MEIS1: variants seen among roughly 807,000 people sequenced by gnomAD.
MEIS1 encodes the protein Meis homeobox 1.
Under a neutral mutation model 50.8 loss-of-function variants are expected in MEIS1, and 5 were observed. The ratio of observed to expected loss-of-function variants is 0.10; its 90% CI spans 0.05 to 0.21. The LOEUF is 0.21. Ranked by LOEUF, MEIS1 falls within the 10% of genes least tolerant of loss-of-function variation. The pLI is 1.00. For missense variants in MEIS1, 318 were observed against 517.3 expected (o/e 0.61, Z 3.74); for synonymous variants, 176 against 179.3 (o/e 0.98, Z 0.15).
At chr2:66,450,729 A>T (rs1246790278) in intron 6 of MEIS1, among the ~76,000 whole-genome samples, 1 of 152,156 alleles carries the variant, frequency 6.6e-6, no homozygotes, top group South Asian at 2.1e-4. Flanking sequence ...ATATATGACA[A>T]CATTCTAGTA....
intron 7 of MEIS1, among the ~76,000 whole-genome samples, chr2:66,490,457 A>G (rs1324008484): frequency 6.7e-6 from 1 of 148,726 alleles, no homozygotes; most frequent in East Asian, 1.9e-4. Context: ...AAATTATGTT[A>G]TGGACTTGCA....
chr2:66,500,164 A>G (rs991689648), intron 7 of MEIS1, among the ~76,000 whole-genome samples: 2 of 152,200 alleles, frequency 1.3e-5, no homozygotes, highest in Non-Finnish European at 2.9e-5. Context: ...ATTTCTCTGT[A>G]GAAAGTATAC....
At chr2:66,458,040 A>T (rs11126080) in intron 6 of MEIS1, among the ~76,000 whole-genome samples, 2,114 of 152,260 alleles carry the variant, frequency 0.014, 57 homozygotes, top group African/African-American at 0.049. Flanking sequence ...TTGTACACTG[A>T]TTATTTCATC....
At chr2:66,449,821 A>T (rs1165084517) in intron 6 of MEIS1, among the ~76,000 whole-genome samples, 1 of 152,210 alleles carries the variant, frequency 6.6e-6, no homozygotes, top group Non-Finnish European at 1.5e-5. Flanking sequence ...AAAGGAAAAT[A>T]CAAGAGTGCA....
chr2:66,453,558 G>C (rs1672321624), intron 6 of MEIS1, among the ~76,000 whole-genome samples: 1 of 151,922 alleles, frequency 6.6e-6, no homozygotes, highest in Non-Finnish European at 1.5e-5. Context: ...TGAAGGAAGG[G>C]AATAATCTTT....
chr2:66,551,753 G>A (rs965778196), intron 9 of MEIS1, among the ~76,000 whole-genome samples: 2 of 151,478 alleles, frequency 1.3e-5, no homozygotes, highest in Non-Finnish European at 2.9e-5. Flanking sequence ...AATCATTTTC[G>A]AAACATAATA....
chr2:66,488,691 A>T lies in MEIS1; in HGVS notation c.743-23458A>T, dbSNP rs75153538. 6.6e-5 allele frequency among the ~76,000 whole-genome samples: 10 copies of T among 152,306 alleles called. No homozygotes were observed. The East Asian group carries it at 1.7e-3, about 26-fold the overall frequency. ...AGACTCCATCTCAAAAAAAGAAAAA[A>T]ATCTATTGGTAAAAAGCAGCTGACA... On this transcript the variant is annotated intron_variant, in intron 7 of 12. Coordinates refer to ENST00000272369, the MANE Select transcript of MEIS1 (RefSeq NM_002398.3).
chr2:66,442,150 C>T (rs1672001400), intron 5 of MEIS1, among the ~76,000 whole-genome samples: 1 of 151,690 alleles, frequency 6.6e-6, no homozygotes. Flanking sequence ...TTCAAACTAA[C>T]ATTAAATTGC....
chr2:66,440,056 C>G, intron 3 of MEIS1, 72 bp downstream of exon 3: 1 of 1,333,018 alleles, frequency 7.5e-7, no homozygotes, highest in Non-Finnish European at 1.0e-6. Flanking sequence ...CACACGCGCG[C>G]GCGCGCGCGC....
intron 7 of MEIS1, among the ~76,000 whole-genome samples, chr2:66,500,302 A>G (rs1051166535): frequency 6.6e-6 from 1 of 152,178 alleles, no homozygotes; most frequent in Admixed American, 6.5e-5. Flanking sequence ...AACTGATTTA[A>G]TTGGTCTTGA....
In MEIS1 at chr2:66,520,321, A is replaced by T. The variant is rs545346081; in HGVS notation, c.888+8027A>T. The stretch of plus-strand genomic sequence containing the variant: ...AACCCCGTCTCTACTAAAAATAAAA[A>T]AAAAAAAAAATTAGCCGGGCTTGGT... On this transcript the variant is annotated intron_variant, in intron 8 of 12. Transcript: ENST00000272369. Among the ~76,000 whole-genome samples, 572 of 151,828 alleles carry T rather than the reference A, an allele frequency of 3.8e-3. 4 individuals carry two copies. The highest frequency in any genetic ancestry group is 0.013 in the African/African-American group (553 of 41,416).
chr2:66,451,142 A>G (rs1332570914), intron 6 of MEIS1, among the ~76,000 whole-genome samples: 1 of 152,094 alleles, frequency 6.6e-6, no homozygotes. Context: ...TGAAAAACTG[A>G]AAACTGTGAT....
chr2:66,568,847 T>G lies in MEIS1; in HGVS notation c.1114+91T>G, dbSNP rs77873518. ...CAGGTAAATCCGCCTCATCCTTTTC[T>G]GTTATCTCAAGCTGGCTGCCTTGCC... On this transcript the variant is annotated intron_variant, in intron 11 of 12. Transcript: ENST00000272369. The G allele has an allele frequency of 1.0e-5, 13 of 1,268,822 alleles. No individual in the cohort carries two copies. The Admixed American group carries it at 2.0e-4, about 20-fold the overall frequency. The allele number at this position is 1,268,822 out of a possible 1,614,324, so 78.6% of individuals were successfully genotyped here. A position where few individuals can be genotyped will look rare whatever the true frequency, so the allele number is the denominator to read the frequency against.
At chr2:66,490,843 C>T (rs1673253830) in intron 7 of MEIS1, among the ~76,000 whole-genome samples, 4 of 152,146 alleles carry the variant, frequency 2.6e-5, no homozygotes, top group Admixed American at 6.5e-5. Context: ...AGCAAAATAG[C>T]ACTGTTAGTC....
At chr2:66,476,988 A>G (rs746527569) in intron 7 of MEIS1, among the ~76,000 whole-genome samples, 8 of 151,958 alleles carry the variant, frequency 5.3e-5, no homozygotes, top group Non-Finnish European at 8.8e-5. Context: ...ATGAGTAGAG[A>G]GTGGGTGTGA....
chr2:66,443,056 C>A lies in MEIS1; in HGVS notation c.630+8C>A. On this transcript the variant is annotated splice_region_variant and intron_variant, in intron 6 of 12. Coordinates refer to ENST00000272369, the MANE Select transcript of MEIS1 (RefSeq NM_002398.3). ...GCAAATCTAACTGACCAGGTATGCG[C>A]TTTTCAATTTCAACATCCCTGGGAA... is the stretch of plus-strand genomic sequence containing the variant. 6.4e-7 allele frequency: 1 copy of A among 1,566,816 alleles called. No individual in the cohort carries two copies. The highest frequency in any genetic ancestry group is 8.6e-7 in the Non-Finnish European group (1 of 1,164,434).
intron 9 of MEIS1, among the ~76,000 whole-genome samples, chr2:66,549,522 G>A (rs1674867880): frequency 2.0e-5 from 3 of 151,932 alleles, no homozygotes; most frequent in Admixed American, 1.3e-4. Flanking sequence ...TTTCAAATAT[G>A]TAATATTTGA....
intron 9 of MEIS1, among the ~76,000 whole-genome samples, chr2:66,552,026 A>AAG (rs1674933307): frequency 7.8e-6 from 1 of 128,258 alleles, no homozygotes; most frequent in Non-Finnish European, 1.7e-5. Flanking sequence ...AACTTTATGG[A>AAG]AGACACACAC....
intron 9 of MEIS1, among the ~76,000 whole-genome samples, chr2:66,553,313 T>C (rs1674970791): frequency 6.6e-6 from 1 of 152,154 alleles, no homozygotes; most frequent in South Asian, 2.1e-4. Context: ...AGGAGAAATA[T>C]AAATGGAAGA....
Sources: allele counts gnomAD v4.1 joint callset (sites outside exome capture counted in the v4.1 genomes callset), GRCh38; gene constraint gnomAD v4.1.1; transcripts MANE v1.5; gene names NCBI Gene and HGNC (gene_info 2026-07-23, HGNC 2026-07-21).